Variants in KIF20B observed in about 807,000 individuals in gnomAD.
KIF20B encodes kinesin family member 20B, also known as kinesin-like protein KIF20B.
In KIF20B, 188 loss-of-function variants were observed where a neutral mutation model predicts 232.5. That is an observed-to-expected ratio of 0.81 (90% CI 0.72 to 0.91). KIF20B has a LOEUF of 0.91. KIF20B is among the 40% of genes least tolerant of loss of function. KIF20B has a pLI of 0.00. For missense variants in KIF20B, 2,154 were observed against 2,055.9 expected, an observed-to-expected ratio of 1.05 and a Z score of -0.92; for synonymous variants, 712 against 683.0, an observed-to-expected ratio of 1.04 and a Z score of -0.66.
intron 28 of KIF20B, among the ~76,000 whole-genome samples, chr10:89,762,161 T>C (rs1424584330): frequency 6.6e-6 from 1 of 152,132 alleles, no homozygotes; most frequent in Non-Finnish European, 1.5e-5. Flanking sequence ...CTTCTTATGA[T>C]TGAGCCTTAG....
At chr10:89,748,039 C>G (rs1042109644) in intron 23 of KIF20B, among the ~76,000 whole-genome samples, 1 of 152,120 alleles carries the variant, frequency 6.6e-6, no homozygotes, top group African/African-American at 2.4e-5. Context: ...GACGGAGATT[C>G]GCTCTTGTCA....
intron 26 of KIF20B, among the ~76,000 whole-genome samples, chr10:89,756,570 T>A (rs1369083275): frequency 6.6e-6 from 1 of 152,206 alleles, no homozygotes; most frequent in Non-Finnish European, 1.5e-5. Context: ...ACATATAACA[T>A]GGAAAGGAAA....
chr10:89,704,970 A>G (rs542215152), intron 1 of KIF20B, among the ~76,000 whole-genome samples: 2 of 152,228 alleles, frequency 1.3e-5, no homozygotes, highest in Non-Finnish European at 2.9e-5. Flanking sequence ...TCTCCTTACT[A>G]TTTGAGTTTT....
intron 1 of KIF20B, among the ~76,000 whole-genome samples, 199 bp from the exon 2 acceptor site, chr10:89,705,095 T>C (rs1842694021): frequency 6.6e-6 from 1 of 152,248 alleles, no homozygotes; most frequent in Admixed American, 6.5e-5. Flanking sequence ...TTCAGTATTA[T>C]TAGAATCAGA....
At chr10:89,731,992 A>G (rs1324454812) in intron 18 of KIF20B, among the ~76,000 whole-genome samples, 2 of 152,124 alleles carry the variant, frequency 1.3e-5, no homozygotes, top group African/African-American at 4.8e-5. Flanking sequence ...TTTCAAATTG[A>G]TTGCTACAAG....
chr10:89,733,046 A>G lies in KIF20B; in HGVS notation c.2535A>G (p.Pro845=). ...NENELQQDEP[P]AKKGSIHVSS... is the part of the protein sequence containing the mutation. ...ATGAACTTCAGCAAGATGAACCACC[A>G]GCAAAGAAAGGTACTACTTCAGCTG... The change falls in exon 19 of 33, where the codon CCA becomes CCG. Residue 845 remains proline, a synonymous_variant. Coordinates refer to ENST00000371728, the MANE Select transcript of KIF20B (RefSeq NM_001284259.2). 1.2e-6 allele frequency: 2 copies of G among 1,613,656 alleles called. No homozygotes were observed. Among genetic ancestry groups the G allele is most frequent in the Non-Finnish European group, 1.7e-6 (2 of 1,179,698 alleles).
rs775201226 is a variant in KIF20B, at chr10:89,754,579, T to C, written c.4409T>C (p.Ile1470Thr). 55 of 1,606,280 alleles carry C rather than the reference T, an allele frequency of 3.4e-5. No individual in the cohort carries two copies. Among genetic ancestry groups the C allele is most frequent in the Non-Finnish European group, 4.6e-5 (54 of 1,175,720 alleles). The change falls in exon 26 of 33, where the codon ATC becomes ACC. Residue 1470 changes from isoleucine (I) to threonine (T), a missense_variant. Ile to Thr is a moderately conservative substitution (Grantham distance 89). Coordinates refer to ENST00000371728, the MANE Select transcript of KIF20B (RefSeq NM_001284259.2). ...TGGTTAGAAGAAAAAATGATGCTTATCACTCAAGCGAAAGAAGCAGAGAAT... is the reference window on the plus strand; with the variant it reads ...TGGTTAGAAGAAAAAATGATGCTTACCACTCAAGCGAAAGAAGCAGAGAAT... ...KKWLEEKMML[I>T]TQAKEAENIR... is the part of the protein sequence containing the mutation.
chr10:89,725,195 G>T, intron 15 of KIF20B, 37 bp downstream of exon 15: 4 of 1,600,298 alleles, frequency 2.5e-6, no homozygotes, highest in Non-Finnish European at 1.7e-6. Context: ...ATCCAGTGAG[G>T]TTTTGGTACC....
chr10:89,734,151 T>C (rs1202452983), intron 19 of KIF20B, among the ~76,000 whole-genome samples: 1 of 152,150 alleles, frequency 6.6e-6, no homozygotes, highest in Non-Finnish European at 1.5e-5. Flanking sequence ...GGCTCATGCC[T>C]GTAATCCTAG....
At chr10:89,758,979 C>A in intron 27 of KIF20B, 97 bp downstream of exon 27, 1 of 663,358 alleles carries the variant, frequency 1.5e-6, no homozygotes, top group Non-Finnish European at 2.2e-6. Flanking sequence ...CTCAATAGAC[C>A]AAAAAGGAAT....
chr10:89,745,798 C>T (rs1841897481), intron 22 of KIF20B, 101 bp from the exon 23 acceptor site: 1 of 749,636 alleles, frequency 1.3e-6, no homozygotes, highest in Non-Finnish European at 2.3e-6. Flanking sequence ...ATATAGGAGA[C>T]TGATTTCAAA....
intron 26 of KIF20B, 85 bp downstream of exon 26, chr10:89,754,758 G>T: frequency 1.8e-6 from 2 of 1,130,564 alleles, no homozygotes; most frequent in East Asian, 2.8e-5. Context: ...GTTTCTACAT[G>T]GTTTTCTGTT....
chr10:89,738,868 A>G, intron 20 of KIF20B, 90 bp from the exon 21 acceptor site: 1 of 1,402,432 alleles, frequency 7.1e-7, no homozygotes, highest in South Asian at 1.4e-5. Flanking sequence ...GTGAAAAGAT[A>G]TAATTTTGTA....
chr10:89,737,344 A>G, intron 19 of KIF20B, 43 bp from the exon 20 acceptor site: 1 of 1,413,308 alleles, frequency 7.1e-7, no homozygotes, highest in Non-Finnish European at 9.3e-7. Flanking sequence ...TTTTGGTTTT[A>G]TTAAGGTTTG....
At chr10:89,723,033 T>C (rs35358583) in intron 13 of KIF20B, among the ~76,000 whole-genome samples, 6 of 152,110 alleles carry the variant, frequency 3.9e-5, no homozygotes, top group East Asian at 1.9e-4. Context: ...GGTTCACTTT[T>C]TCATTATTTA....
intron 2 of KIF20B, among the ~76,000 whole-genome samples, chr10:89,707,056 G>A (rs1564656173): frequency 2.0e-5 from 3 of 152,020 alleles, no homozygotes; most frequent in Non-Finnish European, 4.4e-5. Flanking sequence ...ATTTTATTTA[G>A]GTCTTTAATG....
At chr10:89,740,714 G>A (rs1841778856) in intron 21 of KIF20B, among the ~76,000 whole-genome samples, 1 of 152,182 alleles carries the variant, frequency 6.6e-6, no homozygotes, top group Non-Finnish European at 1.5e-5. Context: ...AATCTGGAGT[G>A]CAGTGGCGTG....
intron 16 of KIF20B, among the ~76,000 whole-genome samples, chr10:89,727,178 T>C (rs1843208087): frequency 6.6e-6 from 1 of 152,126 alleles, no homozygotes; most frequent in Non-Finnish European, 1.5e-5. Flanking sequence ...GAGTGACTAC[T>C]GTGGAGTGGT....
Position 89,737,861 on chromosome 10 carries a change from T to G in KIF20B, c.3020T>G (p.Leu1007Arg). Residue 1007 changes from leucine to arginine, a missense_variant, in exon 20 of 33, where the codon CTC becomes CGC. By Grantham distance (102) the Leu-to-Arg change is moderately radical. Coordinates refer to ENST00000371728, the MANE Select transcript of KIF20B (RefSeq NM_001284259.2). ...TCTCAGATTTCAAACATAGATTTGC[T>G]CAATCTCAGGGATCTGTCAAATGGT... Reference protein sequence around the residue: ...SVSQISNIDLLNLRDLSNGSE... With the variant: ...SVSQISNIDLRNLRDLSNGSE... 6.2e-7 allele frequency: 1 copy of G among 1,613,504 alleles called. No homozygotes were observed. The highest frequency in any genetic ancestry group is 2.2e-5 in the East Asian group (1 of 44,814).
Sources: gnomAD v4.1 joint callset for allele counts (sites outside exome capture counted in the v4.1 genomes callset) on GRCh38, gnomAD v4.1.1 for gene constraint, MANE v1.5 for transcripts, NCBI Gene and HGNC (gene_info 2026-07-23, HGNC 2026-07-21) for gene names.